The following CNTN4 variants were observed in gnomAD, a reference collection of about 807,000 sequenced individuals.
CNTN4 encodes the protein contactin 4, also known as contactin-4.
A neutral mutation model predicts 122.5 loss-of-function variants in CNTN4; 77 were observed. The ratio of observed to expected loss-of-function variants is 0.63; its 90% CI spans 0.52 to 0.76. The LOEUF is 0.76. Ranked by LOEUF, CNTN4 falls within the 30% of genes least tolerant of loss-of-function variation. CNTN4 has a pLI of 0.00. For missense variants in CNTN4, 1,256 were observed against 1,259.1 expected, an observed-to-expected ratio of 1.00 and a Z score of 0.04; for synonymous variants, 512 against 447.0, an observed-to-expected ratio of 1.15 and a Z score of -1.83.
chr3:2,456,866 A>C (rs1338794321), intron 3 of CNTN4, among the ~76,000 whole-genome samples: 1 of 152,112 alleles, frequency 6.6e-6, no homozygotes, highest in Non-Finnish European at 1.5e-5. Context: ...ACTGTTTTCC[A>C]TTCTTTGGGA....
rs184054030 is a variant in CNTN4 at position 2,722,057 on chromosome 3, C to T, written c.56-14158C>T. On this transcript the variant is annotated intron_variant, in intron 4 of 24. Transcript: ENST00000418658. The stretch of plus-strand genomic sequence containing the variant: ...TGCTTGGACATCTCAGCCTCCAGAA[C>T]TGTAAGCAATAAATTTCTGTTGTTA... 1.6e-3 allele frequency among the ~76,000 whole-genome samples: 242 copies of T among 152,314 alleles called. 2 individuals carry two copies. The highest frequency in any genetic ancestry group is 1.2e-4 in the Non-Finnish European group (8 of 68,020).
intron 3 of CNTN4, among the ~76,000 whole-genome samples, chr3:2,377,158 G>GA (rs34629012): frequency 5.8e-5 from 8 of 138,986 alleles, no homozygotes; most frequent in African/African-American, 5.4e-5. Flanking sequence ...CCATCTCAAG[G>GA]AAAAAAAAAA....
At chr3:2,099,866 C>G (rs1486696410) in intron 1 of CNTN4, 1 of 152,418 alleles carries the variant, frequency 6.6e-6, no homozygotes, top group East Asian at 1.9e-4. Context: ...CGTGCATTTT[C>G]TCTCTTGTGC....
chr3:2,914,498 A>G (rs1022065699), intron 12 of CNTN4, among the ~76,000 whole-genome samples: 4 of 152,198 alleles, frequency 2.6e-5, no homozygotes, highest in Non-Finnish European at 4.4e-5. Flanking sequence ...TATAAAGACC[A>G]CTATAAATAA....
At chr3:3,037,835 G>A (rs1699753541) in intron 18 of CNTN4, among the ~76,000 whole-genome samples, 1 of 152,268 alleles carries the variant, frequency 6.6e-6, no homozygotes, top group South Asian at 2.1e-4. Context: ...TCAGAACATC[G>A]TGCTCATTCG....
chr3:2,099,265 CCTT>C (rs1246943129), intron 1 of CNTN4: 6 of 152,344 alleles, frequency 3.9e-5, no homozygotes, highest in African/African-American at 4.8e-5. Flanking sequence ...CCCTTCTTCT[CCTT>C]CTCAGCCGGA....
intron 6 of CNTN4, among the ~76,000 whole-genome samples, chr3:2,764,603 A>C (rs11718833): frequency 0.44 from 66,922 of 151,994 alleles, 16,711 homozygotes; most frequent in Non-Finnish European, 0.58. Flanking sequence ...TAAGCGTGTC[A>C]CTTTACTGAC....
chr3:2,972,097 T>C lies in CNTN4; in HGVS notation c.1359-16248T>C, dbSNP rs890929461. ...ACTTTGTAGGATTGCTGATTAATTA[T>C]ACAGACCTCCTGATGTTTTATATTC... On this transcript the variant is annotated intron_variant, in intron 13 of 24. Transcript: ENST00000418658. 4.6e-5 allele frequency among the ~76,000 whole-genome samples: 7 copies of C among 152,334 alleles called. No homozygotes were observed. The South Asian group carries it at 1.4e-3, about 32-fold the overall frequency.
chr3:2,536,754 G>A (rs2149269637), intron 3 of CNTN4, among the ~76,000 whole-genome samples: 1 of 152,030 alleles, frequency 6.6e-6, no homozygotes, highest in Middle Eastern at 3.4e-3. Context: ...AGATATCAAG[G>A]CCTAGCAATT....
intron 2 of CNTN4, among the ~76,000 whole-genome samples, chr3:2,118,018 C>G (rs776820920): frequency 1.1e-4 from 17 of 152,138 alleles, no homozygotes; most frequent in Non-Finnish European, 2.2e-4. Context: ...ATTACAGACA[C>G]TCTTAGATAA....
intron 2 of CNTN4, among the ~76,000 whole-genome samples, chr3:2,142,789 A>G (rs898473737): frequency 6.6e-6 from 1 of 152,238 alleles, no homozygotes; most frequent in Non-Finnish European, 1.5e-5. Flanking sequence ...AGAGAAGGAG[A>G]AGGACTTCAT....
chr3:3,014,884 T>TG (rs1206548386), intron 14 of CNTN4, among the ~76,000 whole-genome samples: 3 of 150,800 alleles, frequency 2.0e-5, no homozygotes, highest in Non-Finnish European at 4.4e-5. Flanking sequence ...GATTGGTTTT[T>TG]TTTTTTTTTT....
At chr3:2,675,688 A>G (rs564938702) in intron 4 of CNTN4, among the ~76,000 whole-genome samples, 2 of 152,348 alleles carry the variant, frequency 1.3e-5, no homozygotes, top group South Asian at 4.1e-4. Context: ...GCTGTTCTGA[A>G]TAATGACTCA....
rs530183166 is a variant in CNTN4 at position 2,600,040 on chromosome 3, A to C, written c.55+28482A>C. Among the ~76,000 whole-genome samples, 28 of 96,954 alleles carry C rather than the reference A, an allele frequency of 2.9e-4. No individual in the cohort carries two copies. In the East Asian group the frequency reaches 5.8e-3, roughly 20 times the overall value. 63.6% of individuals were successfully genotyped at this position (96,954 alleles called of 152,430 possible). A position where few individuals can be genotyped will look rare whatever the true frequency, so the allele number is the denominator to read the frequency against. On this transcript the variant is annotated intron_variant, in intron 4 of 24. Coordinates refer to ENST00000418658, the MANE Select transcript of CNTN4 (RefSeq NM_175607.3). ...TTTTTTTTTTTTTTTTTTTTTGCCA[A>C]AACATTCTTTATTTGGTCAATAAAG...
At chr3:2,580,372 A>C (rs1326658055) in intron 4 of CNTN4, among the ~76,000 whole-genome samples, 2 of 152,142 alleles carry the variant, frequency 1.3e-5, no homozygotes, top group African/African-American at 2.4e-5. Flanking sequence ...GTAGTTTATC[A>C]AGTTGTAAGA....
intron 6 of CNTN4, among the ~76,000 whole-genome samples, chr3:2,758,858 C>T (rs895093824): frequency 7.2e-5 from 11 of 152,050 alleles, no homozygotes; most frequent in Admixed American, 6.5e-4. Context: ...CCATACCATA[C>T]AATTCATTCA....
At chr3:2,309,736 T>C (rs1357880036) in intron 2 of CNTN4, among the ~76,000 whole-genome samples, 1 of 152,162 alleles carries the variant, frequency 6.6e-6, no homozygotes, top group Non-Finnish European at 1.5e-5. Context: ...TGACAACTAA[T>C]AGAGTTTTTA....
intron 4 of CNTN4, among the ~76,000 whole-genome samples, chr3:2,612,827 A>T (rs2081557489): frequency 6.6e-6 from 1 of 152,144 alleles, no homozygotes; most frequent in African/African-American, 2.4e-5. Flanking sequence ...AAATGAAAGG[A>T]AATAGGAGGA....
intron 4 of CNTN4, among the ~76,000 whole-genome samples, chr3:2,631,470 T>G (rs1255305279): frequency 6.6e-6 from 1 of 152,102 alleles, no homozygotes; most frequent in Admixed American, 6.6e-5. Context: ...CCATGTACTA[T>G]ACAAGACCCA....
Sources: allele counts gnomAD v4.1 joint callset (sites outside exome capture counted in the v4.1 genomes callset), GRCh38; gene constraint gnomAD v4.1.1; transcripts MANE v1.5; gene names NCBI Gene and HGNC (gene_info 2026-07-23, HGNC 2026-07-21).